The following BCL11A variants were observed in gnomAD, a reference collection of about 807,000 sequenced individuals.
BCL11A encodes BCL11 transcription factor A, also known as B cell CLL/lymphoma 11A.
Under a neutral mutation model 55.9 loss-of-function variants are expected in BCL11A, and 2 were observed. The ratio of observed to expected loss-of-function variants is 0.04; its 90% CI spans 0.01 to 0.11. The LOEUF (loss-of-function observed/expected upper bound fraction) is 0.11, where lower values mean the gene tolerates loss of function less well. BCL11A is among the 10% of genes least tolerant of loss of function. BCL11A has a pLI of 1.00. For missense variants in BCL11A, 817 were observed against 1,137.1 expected (o/e 0.72, Z 4.05); for synonymous variants, 465 against 473.4 (o/e 0.98, Z 0.23).
chr2:60,526,051 AG>A (rs1430757630), intron 2 of BCL11A: 5 of 152,254 alleles, frequency 3.3e-5, no homozygotes, highest in Admixed American at 2.0e-4. Flanking sequence ...CTGGGAAAAA[AG>A]AATGTGGTTT....
At chr2:60,521,839 G>A (rs1451456182) in intron 2 of BCL11A, among the ~76,000 whole-genome samples, 1 of 152,194 alleles carries the variant, frequency 6.6e-6, no homozygotes, top group Non-Finnish European at 1.5e-5. Context: ...CACCTGTGCT[G>A]AAACTCAAGC....
chr2:60,470,637 C>CT (rs1677144678), intron 2 of BCL11A, among the ~76,000 whole-genome samples: 1 of 152,164 alleles, frequency 6.6e-6, no homozygotes, highest in South Asian at 2.1e-4. Context: ...GGGAGAACTG[C>CT]TAACCTAATC....
At chr2:60,548,890 A>G (rs934868246) in intron 1 of BCL11A, among the ~76,000 whole-genome samples, 2 of 152,182 alleles carry the variant, frequency 1.3e-5, no homozygotes, top group African/African-American at 4.8e-5. Flanking sequence ...GGCAATCAAC[A>G]TTTCCTTTCT....
At position 60,458,719 on chromosome 2, in the gene BCL11A, T is replaced by G; in HGVS notation, c.*1685A>C. ...CCTGTAAACTGGGAAAATTGTACAG[T>G]GCACTTAATTGTCCTATCTGAGCAG... On this transcript the variant is annotated 3_prime_UTR_variant, in exon 4 of 4. Transcript: ENST00000642384. 1 of 1,033,438 alleles carries G rather than the reference T, an allele frequency of 9.7e-7. No homozygotes were observed. Among genetic ancestry groups the G allele is most frequent in the Non-Finnish European group, 1.2e-6 (1 of 858,696 alleles). The allele number at this position is 1,033,438 out of a possible 1,614,324, so 64.0% of individuals were successfully genotyped here. A position where few individuals can be genotyped will look rare whatever the true frequency, so the allele number is the denominator to read the frequency against.
Position 60,476,561 on chromosome 2 carries a change from A to G in BCL11A, c.386-7728T>C, listed in dbSNP as rs926265954. Among the ~76,000 whole-genome samples, 17 of 152,352 alleles carry G rather than the reference A, an allele frequency of 1.1e-4. No homozygotes were observed. In the East Asian group the frequency reaches 3.1e-3, roughly 28 times the overall value. On this transcript the variant is annotated intron_variant, in intron 2 of 3. Coordinates refer to ENST00000642384, the MANE Select transcript of BCL11A (RefSeq NM_022893.4). ...CCTTGACCTCCCACCACACCCCATC[A>G]GCATGGAGGGTTCTTGGAAAGCCAT...
chr2:60,528,371 T>C (rs1669300703), intron 2 of BCL11A: 1 of 152,470 alleles, frequency 6.6e-6, no homozygotes, highest in African/African-American at 2.4e-5. Context: ...CTCCCTCTGT[T>C]TCTCAGGACC....
chr2:60,505,202 G>A (rs544119807), intron 2 of BCL11A, among the ~76,000 whole-genome samples: 2 of 152,250 alleles, frequency 1.3e-5, no homozygotes, highest in South Asian at 2.1e-4. Flanking sequence ...ATGGACATTC[G>A]AAAGGGATGG....
chr2:60,487,578 GAACAA>G (rs1474861231), intron 2 of BCL11A, among the ~76,000 whole-genome samples: 1 of 151,974 alleles, frequency 6.6e-6, no homozygotes, highest in Admixed American at 6.6e-5. Flanking sequence ...ATAAAATCCA[GAACAA>G]AACAAAACAA....
intron 2 of BCL11A, among the ~76,000 whole-genome samples, chr2:60,517,636 G>A (rs1236048614): frequency 2.6e-5 from 4 of 152,260 alleles, no homozygotes; most frequent in Non-Finnish European, 5.9e-5. Context: ...GGCTCCTGCT[G>A]GCCATGGAGA....
At chr2:60,487,553 C>G (rs1678352532) in intron 2 of BCL11A, among the ~76,000 whole-genome samples, 1 of 152,094 alleles carries the variant, frequency 6.6e-6, no homozygotes, top group Non-Finnish European at 1.5e-5. Flanking sequence ...TAAGGGAAAA[C>G]TAAATGATGC....
rs761681869 is a variant in BCL11A at position 60,461,139 on chromosome 2, G to C, written c.1773C>G (p.Ala591=). The change falls in exon 4 of 4, where the codon GCC becomes GCG. Residue 591 remains alanine (A), a synonymous_variant. Coordinates refer to ENST00000642384, the MANE Select transcript of BCL11A (RefSeq NM_022893.4). ...CATCGTCTATGCGGTCCGACTCGCC[G>C]GCCACCGAGTCTTCGTCGCAAGTGT... ...HRDTCDEDSV[A]GESDRIDDGT... 2.5e-6 allele frequency: 4 copies of C among 1,611,538 alleles called. No individual in the cohort carries two copies. Among genetic ancestry groups the C allele is most frequent in the Non-Finnish European group, 3.4e-6 (4 of 1,179,420 alleles).
intron 2 of BCL11A, among the ~76,000 whole-genome samples, chr2:60,512,157 T>A (rs1680023474): frequency 6.6e-6 from 1 of 152,208 alleles, no homozygotes; most frequent in Admixed American, 6.5e-5. Flanking sequence ...TGAACCCCTG[T>A]GCTCACCACC....
intron 3 of BCL11A, among the ~76,000 whole-genome samples, chr2:60,468,005 G>A (rs1676946102): frequency 4.3e-5 from 4 of 94,088 alleles, no homozygotes; most frequent in South Asian, 4.3e-4. Flanking sequence ...GGTGGTGGTG[G>A]TGATGGTGGT....
intron 3 of BCL11A, 101 bp from the exon 4 acceptor site, chr2:60,462,525 C>CTTTT: frequency 6.7e-7 from 1 of 1,492,862 alleles, no homozygotes; most frequent in Admixed American, 2.3e-5. Context: ...GCCCCCACCC[C>CTTTT]TCAACCCCAA....
At chr2:60,489,890 C>T (rs1164939181) in intron 2 of BCL11A, among the ~76,000 whole-genome samples, 1 of 152,150 alleles carries the variant, frequency 6.6e-6, no homozygotes, top group African/African-American at 2.4e-5. Flanking sequence ...CTTATTTTGT[C>T]ACATATCATC....
intron 2 of BCL11A, among the ~76,000 whole-genome samples, chr2:60,497,352 G>C (rs193074332): frequency 2.0e-5 from 3 of 152,294 alleles, no homozygotes; most frequent in Admixed American, 2.0e-4. Flanking sequence ...AGATTTTTCA[G>C]AATATGAATA....
At chr2:60,520,768 G>C (rs1668944625) in intron 2 of BCL11A, among the ~76,000 whole-genome samples, 1 of 150,712 alleles carries the variant, frequency 6.6e-6, no homozygotes, top group Non-Finnish European at 1.5e-5. Context: ...ATCTGAAGGG[G>C]CAGCCAGACA....
chr2:60,508,924 G>A (rs1476918863), intron 2 of BCL11A: 2 of 152,258 alleles, frequency 1.3e-5, no homozygotes, highest in South Asian at 2.1e-4. Flanking sequence ...TTAAACTTAC[G>A]CCCTACCCAC....
At chr2:60,479,312 A>T (rs2104143708) in intron 2 of BCL11A, among the ~76,000 whole-genome samples, 1 of 152,316 alleles carries the variant, frequency 6.6e-6, no homozygotes, top group African/African-American at 2.4e-5. Context: ...CAGCGGCCAC[A>T]CACCACGGTG....
Sources: gnomAD v4.1 joint callset for allele counts (sites outside exome capture counted in the v4.1 genomes callset) on GRCh38, gnomAD v4.1.1 for gene constraint, MANE v1.5 for transcripts, NCBI Gene and HGNC (gene_info 2026-07-23, HGNC 2026-07-21) for gene names.